ANO6: variants seen among roughly 807,000 people sequenced by gnomAD.
The protein encoded by ANO6 is anoctamin-6.
ANO6 carries 106 observed loss-of-function variants against 117.5 expected under a neutral mutation model. The observed-to-expected ratio is 0.90, with a 90% CI of 0.77 to 1.06. The LOEUF (loss-of-function observed/expected upper bound fraction) is 1.06, where lower values mean the gene tolerates loss of function less well. Ranked by LOEUF, ANO6 falls within the 50% of genes least tolerant of loss-of-function variation. ANO6 has a pLI of 0.00. For missense variants in ANO6, 955 were observed against 1,121.1 expected (o/e 0.85, Z 2.12); for synonymous variants, 367 against 385.1 (o/e 0.95, Z 0.55).
intron 19 of ANO6, among the ~76,000 whole-genome samples, chr12:45,428,411 G>C (rs1943557142): frequency 6.6e-6 from 1 of 152,000 alleles, no homozygotes; most frequent in Admixed American, 6.6e-5. Flanking sequence ...ACAGGAGTTT[G>C]AGACCAGCCT....
intron 2 of ANO6, among the ~76,000 whole-genome samples, chr12:45,326,381 C>G (rs1161428778): frequency 6.6e-6 from 1 of 152,136 alleles, no homozygotes; most frequent in East Asian, 1.9e-4. Flanking sequence ...TTTTAACTTG[C>G]AACAGAAATT....
At chr12:45,351,136 G>A (rs548210154) in intron 7 of ANO6, among the ~76,000 whole-genome samples, 117 of 152,246 alleles carry the variant, frequency 7.7e-4, no homozygotes, top group African/African-American at 9.6e-4. Context: ...ACTATCAGGC[G>A]TAGTCCTAGG....
chr12:45,297,526 T>A (rs1939334851), intron 1 of ANO6, among the ~76,000 whole-genome samples: 1 of 152,224 alleles, frequency 6.6e-6, no homozygotes, highest in Non-Finnish European at 1.5e-5. Context: ...TTACTCCATT[T>A]CTAATTGGTA....
Position 45,429,265 on chromosome 12 carries a change from G to A in ANO6, c.2687G>A (p.Arg896Gln), listed in dbSNP as rs112568951. 127 of 1,613,668 alleles carry A rather than the reference G, an allele frequency of 7.9e-5. No homozygotes were observed. The highest frequency in any genetic ancestry group is 1.8e-4 in the Admixed American group (11 of 59,972). ...AAAAATATGGGGGTGATAGCTGAGCGGATGATAGAAGCAGTAGATAACAAT... is the reference window on the plus strand; with the variant it reads ...AAAAATATGGGGGTGATAGCTGAGCAGATGATAGAAGCAGTAGATAACAAT... Reference protein sequence around the residue: ...MTKNMGVIAERMIEAVDNNLR... With the variant: ...MTKNMGVIAEQMIEAVDNNLR... Residue 896 changes from arginine (R) to glutamine (Q), a missense_variant, in exon 20 of 20, where the codon CGG (arginine) becomes CAG (glutamine). Physicochemically the swap from Arg to Gln is conservative, Grantham distance 43 (BLOSUM62 1). Transcript: ENST00000320560.
At chr12:45,269,119 G>A (rs192987891) in intron 1 of ANO6, among the ~76,000 whole-genome samples, 1 of 152,284 alleles carries the variant, frequency 6.6e-6, no homozygotes. Context: ...CTTCTCTGGG[G>A]CCAGCTTCTT....
intron 12 of ANO6, among the ~76,000 whole-genome samples, 180 bp from the exon 13 acceptor site, chr12:45,401,615 C>T (rs558555070): frequency 1.4e-4 from 22 of 152,292 alleles, no homozygotes; most frequent in Admixed American, 1.1e-3. Flanking sequence ...CTTTTCACTT[C>T]CATCATTCCT....
intron 3 of ANO6, among the ~76,000 whole-genome samples, chr12:45,340,179 T>C (rs145588872): frequency 6.6e-6 from 1 of 152,226 alleles, no homozygotes; most frequent in Non-Finnish European, 1.5e-5. Flanking sequence ...ATTATGCCAG[T>C]CTGTCCTTTG....
At chr12:45,321,244 T>G (rs970652476) in intron 2 of ANO6, among the ~76,000 whole-genome samples, 21 of 152,302 alleles carry the variant, frequency 1.4e-4, no homozygotes, top group African/African-American at 5.1e-4. Context: ...ATGTTCTTCT[T>G]GGATTGCACA....
At chr12:45,216,515 G>A in intron 1 of ANO6, 124 bp downstream of exon 1, 1 of 1,110,362 alleles carries the variant, frequency 9.0e-7, no homozygotes, top group East Asian at 2.6e-5. Flanking sequence ...GGCCGCTCCG[G>A]GCAGGGGAGG....
chr12:45,341,036 G>T (rs893946809), intron 3 of ANO6, among the ~76,000 whole-genome samples: 3 of 152,130 alleles, frequency 2.0e-5, no homozygotes, highest in African/African-American at 7.2e-5. Context: ...TAACACCAAG[G>T]TGATATATTA....
rs764499243 is a variant in ANO6 at position 45,357,406 on chromosome 12, A to G, written c.980A>G (p.Gln327Arg). 6.2e-6 allele frequency: 10 copies of G among 1,613,616 alleles called. No individual in the cohort carries two copies. In the African/African-American group the frequency reaches 1.3e-4, roughly 22 times the overall value. Reference sequence around the variant, plus strand: ...TGCTTTCTCTATGGATATCTTAATCAAGATAACTGTACATGGAGGTAACCT... The same window carrying G: ...TGCTTTCTCTATGGATATCTTAATCGAGATAACTGTACATGGAGGTAACCT... ...VACFLYGYLN[Q>R]DNCTWSKEVC... is the part of the protein sequence containing the mutation. Residue 327 changes from glutamine (Q) to arginine (R), a missense_variant, in exon 8 of 20, where the codon CAA (glutamine) becomes CGA (arginine). Transcript: ENST00000320560.
At chr12:45,314,387 T>C (rs1297652334) in intron 2 of ANO6, among the ~76,000 whole-genome samples, 3 of 151,282 alleles carry the variant, frequency 2.0e-5, no homozygotes, top group Non-Finnish European at 2.9e-5. Flanking sequence ...GACAAGAGAA[T>C]TGCTTGAGCT....
At chr12:45,280,753 T>A (rs1392238360) in intron 1 of ANO6, among the ~76,000 whole-genome samples, 2 of 152,146 alleles carry the variant, frequency 1.3e-5, no homozygotes, top group Non-Finnish European at 2.9e-5. Context: ...GATCATTTTC[T>A]TAAATCAGAA....
At chr12:45,377,209 G>A (rs1351139198) in intron 9 of ANO6, among the ~76,000 whole-genome samples, 1 of 151,154 alleles carries the variant, frequency 6.6e-6, no homozygotes, top group Non-Finnish European at 1.5e-5. Flanking sequence ...CTGTCATAAA[G>A]TAGATATAAT....
In ANO6 at chr12:45,418,807, T is replaced by C. The variant is rs531173169; in HGVS notation, c.2217+1903T>C. ...CTTATCCAATAATGGCTTTTTCTTA[T>C]CACTTAACCTAGGAAAACTGCTTAT... On this transcript the variant is annotated intron_variant, in intron 17 of 19. Coordinates refer to ENST00000320560, the MANE Select transcript of ANO6 (RefSeq NM_001025356.3). 4.8e-4 allele frequency among the ~76,000 whole-genome samples: 73 copies of C among 152,356 alleles called. 1 individual carries two copies. The highest frequency in any genetic ancestry group is 1.8e-3 in the African/African-American group (73 of 41,588).
chr12:45,229,218 C>T (rs1043945015), intron 1 of ANO6, among the ~76,000 whole-genome samples: 4 of 152,000 alleles, frequency 2.6e-5, no homozygotes, highest in African/African-American at 7.3e-5. Context: ...GATAGCCTCA[C>T]CTTAATTTGG....
chr12:45,412,698 GTTCA>G (rs1284383932), intron 16 of ANO6, among the ~76,000 whole-genome samples: 1 of 152,152 alleles, frequency 6.6e-6, no homozygotes, highest in African/African-American at 2.4e-5. Context: ...CTCTTCATTT[GTTCA>G]TTCATTCATT....
chr12:45,438,185 T>A lies in ANO6; in HGVS notation c.2527-1490T>A, dbSNP rs111430677. 5.7e-3 allele frequency among the ~76,000 whole-genome samples: 870 copies of A among 152,178 alleles called. 8 individuals carry two copies. Among genetic ancestry groups the A allele is most frequent in the African/African-American group, 0.02 (820 of 41,522 alleles). On this transcript the variant is annotated intron_variant, in intron 19 of 19. Transcript: ENST00000425752. The stretch of plus-strand genomic sequence containing the variant: ...TCCTAGTTGTCCATCCTGGGCTACA[T>A]AGTGTGATAAGGCCTGCTGTGGTTT...
downstream of ANO6, among the ~76,000 whole-genome samples, chr12:45,436,961 T>C (rs1592063888): frequency 6.6e-6 from 1 of 152,064 alleles, no homozygotes; most frequent in Non-Finnish European, 1.5e-5. Context: ...AGTGAAACTC[T>C]GTCCAAAAAA....
Sources: gnomAD v4.1 joint callset for allele counts (sites outside exome capture counted in the v4.1 genomes callset) on GRCh38, gnomAD v4.1.1 for gene constraint, MANE v1.5 for transcripts, NCBI Gene and HGNC (gene_info 2026-07-23, HGNC 2026-07-21) for gene names.